Variants in WWOX observed in about 807,000 individuals in gnomAD.
WWOX encodes the protein WW domain containing oxidoreductase.
WWOX carries 69 observed loss-of-function variants against 46.2 expected under a neutral mutation model. That is an observed-to-expected ratio of 1.49 (90% confidence interval 1.23 to 1.82). The LOEUF (loss-of-function observed/expected upper bound fraction) is 1.82. Among genes scored for constraint, WWOX ranks in the 40% most tolerant of loss-of-function variants. WWOX has a pLI of 0.00. For synonymous variants in WWOX, 359 were observed against 202.6 expected, an observed-to-expected ratio of 1.77 and a Z score of -6.56; for missense variants, 919 against 542.6, an observed-to-expected ratio of 1.69 and a Z score of -6.89.
At chr16:79,139,471 G>C (rs1162234994) in intron 8 of WWOX, among the ~76,000 whole-genome samples, 3 of 152,186 alleles carry the variant, frequency 2.0e-5, no homozygotes, top group African/African-American at 7.2e-5. Flanking sequence ...TTCAAGGCAA[G>C]CCAGGGTGAA....
intron 8 of WWOX, among the ~76,000 whole-genome samples, chr16:79,097,479 A>G (rs865935881): frequency 1.1e-4 from 17 of 152,156 alleles, no homozygotes; most frequent in Middle Eastern, 3.4e-3. Context: ...CAAAAGCAAA[A>G]TCCATATTTT....
At chr16:78,997,473 C>G (rs925161574) in intron 8 of WWOX, among the ~76,000 whole-genome samples, 1 of 152,178 alleles carries the variant, frequency 6.6e-6, no homozygotes, top group African/African-American at 2.4e-5. Flanking sequence ...TCCCTTTTCT[C>G]TGGGCTTTCT....
chr16:78,572,447 T>C (rs1423155412), intron 8 of WWOX, among the ~76,000 whole-genome samples: 1 of 151,660 alleles, frequency 6.6e-6, no homozygotes, highest in African/African-American at 2.4e-5. Context: ...ATACAAAAAT[T>C]AGCCAGTGTG....
At chr16:78,650,749 GA>G (rs1205109421) in intron 8 of WWOX, among the ~76,000 whole-genome samples, 1 of 152,162 alleles carries the variant, frequency 6.6e-6, no homozygotes, top group Non-Finnish European at 1.5e-5. Flanking sequence ...AAAGGTTATG[GA>G]ATGGGTTTCC....
chr16:78,477,795 A>C (rs1271449131), intron 8 of WWOX, among the ~76,000 whole-genome samples: 1 of 152,200 alleles, frequency 6.6e-6, no homozygotes, highest in Non-Finnish European at 1.5e-5. Flanking sequence ...TTATGAATTC[A>C]AGTCAAACAC....
chr16:78,806,044 C>T (rs112403723), intron 8 of WWOX, among the ~76,000 whole-genome samples: 31 of 152,304 alleles, frequency 2.0e-4, no homozygotes, highest in Non-Finnish European at 4.1e-4. Flanking sequence ...CCACTTGAGG[C>T]TCTAGATAGA....
intron 5 of WWOX, among the ~76,000 whole-genome samples, chr16:78,261,616 G>T (rs951515918): frequency 6.7e-6 from 1 of 149,898 alleles, no homozygotes; most frequent in African/African-American, 2.5e-5. Context: ...AAAAAAGTCT[G>T]ATTGCAACTA....
At chr16:78,327,491 A>C (rs925986331) in intron 5 of WWOX, among the ~76,000 whole-genome samples, 1 of 152,152 alleles carries the variant, frequency 6.6e-6, no homozygotes. Flanking sequence ...TGTGAGAATG[A>C]AGCTCTATCA....
chr16:78,254,774 C>A (rs1327322423), intron 5 of WWOX, among the ~76,000 whole-genome samples: 2 of 152,208 alleles, frequency 1.3e-5, no homozygotes, highest in South Asian at 4.1e-4. Flanking sequence ...AGCGATCTGC[C>A]TGCCTCATCT....
At chr16:78,302,412 C>G (rs2080057371) in intron 5 of WWOX, among the ~76,000 whole-genome samples, 1 of 152,106 alleles carries the variant, frequency 6.6e-6, no homozygotes, top group African/African-American at 2.4e-5. Context: ...TTGCCCCAGC[C>G]CAGAGACAAG....
chr16:78,901,125 G>T (rs528429068), intron 8 of WWOX, among the ~76,000 whole-genome samples: 11 of 152,130 alleles, frequency 7.2e-5, no homozygotes, highest in Non-Finnish European at 1.5e-4. Flanking sequence ...CCTTCAAGCT[G>T]GGATTCAGAG....
chr16:78,144,379 T>C (rs2034091494), intron 4 of WWOX, among the ~76,000 whole-genome samples: 1 of 139,712 alleles, frequency 7.2e-6, no homozygotes, highest in East Asian at 2.1e-4. Context: ...CTGGATAGCC[T>C]GATAGCCTGA....
intron 5 of WWOX, among the ~76,000 whole-genome samples, chr16:78,376,231 G>C (rs1012421265): frequency 6.6e-6 from 1 of 151,254 alleles, no homozygotes; most frequent in African/African-American, 2.4e-5. Flanking sequence ...TTACTGATAA[G>C]GAAGCTCACG....
chr16:79,024,478 G>C (rs997878742), intron 8 of WWOX, among the ~76,000 whole-genome samples: 2 of 151,964 alleles, frequency 1.3e-5, no homozygotes, highest in Non-Finnish European at 2.9e-5. Flanking sequence ...CTGTTGCCCA[G>C]GCTGGAGTGC....
At chr16:78,402,572 T>G (rs529221099) in intron 6 of WWOX, among the ~76,000 whole-genome samples, 1 of 152,120 alleles carries the variant, frequency 6.6e-6, no homozygotes, top group African/African-American at 2.4e-5. Context: ...CAACCCCCTT[T>G]CTGAGCCCCT....
At chr16:79,139,514 C>G (rs1017026858) in intron 8 of WWOX, among the ~76,000 whole-genome samples, 7 of 152,198 alleles carry the variant, frequency 4.6e-5, no homozygotes, top group African/African-American at 1.7e-4. Context: ...ATCATTTTTA[C>G]TGATGTCCAA....
chr16:78,916,101 C>G (rs1218999945), intron 8 of WWOX, among the ~76,000 whole-genome samples: 2 of 152,106 alleles, frequency 1.3e-5, no homozygotes, highest in Non-Finnish European at 2.9e-5. Context: ...GGTCAGATTC[C>G]CAGCACAGTG....
intron 6 of WWOX, among the ~76,000 whole-genome samples, chr16:78,406,055 C>G (rs926510618): frequency 2.0e-5 from 3 of 151,950 alleles, no homozygotes; most frequent in Admixed American, 6.6e-5. Flanking sequence ...CTGAGGGTGT[C>G]TCACGTGAAA....
At chr16:78,231,145 T>C (rs1208691315) in intron 5 of WWOX, among the ~76,000 whole-genome samples, 1 of 152,226 alleles carries the variant, frequency 6.6e-6, no homozygotes. Context: ...AGACTTAGTT[T>C]AGTTTTGTTT....
Sources: allele counts gnomAD v4.1 joint callset (sites outside exome capture counted in the v4.1 genomes callset), GRCh38; gene constraint gnomAD v4.1.1; transcripts MANE v1.5; gene names NCBI Gene and HGNC (gene_info 2026-07-23, HGNC 2026-07-21).